FAM114A1: variants seen among roughly 807,000 people sequenced by gnomAD.
The protein encoded by FAM114A1 is protein NOXP20.
FAM114A1 carries 62 observed loss-of-function variants against 64.3 expected under a neutral mutation model. The observed-to-expected ratio is 0.96, with a 90% confidence interval of 0.79 to 1.19. The LOEUF is 1.19. FAM114A1 is among the 50% of genes most tolerant of loss of function. The pLI is 0.00. For missense variants in FAM114A1, 645 were observed against 676.3 expected (o/e 0.95, Z 0.51); for synonymous variants, 254 against 251.1 (o/e 1.01, Z -0.11).
At chr4:38,918,349 T>C (rs933759055) in intron 8 of FAM114A1, among the ~76,000 whole-genome samples, 1 of 152,210 alleles carries the variant, frequency 6.6e-6, no homozygotes. Flanking sequence ...TTCCTGCATT[T>C]AGGGCTTCAG....
chr4:38,924,675 G>A (rs148976029), intron 9 of FAM114A1, among the ~76,000 whole-genome samples: 2 of 152,302 alleles, frequency 1.3e-5, no homozygotes, highest in East Asian at 3.9e-4. Flanking sequence ...ATGTTTTTGA[G>A]CATTAGTATG....
rs1346610559 is a variant in FAM114A1 at position 38,943,759 on chromosome 4, A to G, written c.*202A>G. The G allele has an allele frequency of 6.9e-6, 3 of 431,918 alleles. No individual in the cohort carries two copies. The highest frequency in any genetic ancestry group is 4.4e-5 in the South Asian group (1 of 22,544). 26.8% of individuals were successfully genotyped at this position (431,918 alleles called of 1,614,324 possible). On this transcript the variant is annotated 3_prime_UTR_variant, in exon 15 of 15. Coordinates refer to ENST00000358869, the MANE Select transcript of FAM114A1 (RefSeq NM_138389.4). ...ATGTGTATAATTGTTTTTACAAACA[A>G]TTGTGTTTTCTTTATGTTAATTTAA...
chr4:38,917,135 C>T (rs1056954961), intron 8 of FAM114A1, among the ~76,000 whole-genome samples: 1 of 130,116 alleles, frequency 7.7e-6, no homozygotes, highest in Admixed American at 7.8e-5. Context: ...GAAGCCCCAT[C>T]TCTACTAAAA....
chr4:38,922,647 A>C (rs975211393), intron 8 of FAM114A1, 123 bp from the exon 9 acceptor site: 15 of 1,281,456 alleles, frequency 1.2e-5, no homozygotes, highest in Non-Finnish European at 1.6e-5. Flanking sequence ...GCCAACATTC[A>C]ACCCAGCGAT....
Position 38,926,457 on chromosome 4 carries a change from CT to C in FAM114A1, c.1070-2771del, listed in dbSNP as rs1376542912. On this transcript the variant is annotated intron_variant, in intron 9 of 14. Coordinates refer to ENST00000358869, the MANE Select transcript of FAM114A1 (RefSeq NM_138389.4). ...CTAGCTCTGTCTCTCTCTCTCTCCC[CT>C]TTTTTTTTTTTTTCCAGATAGAGTC... 6.8e-3 allele frequency among the ~76,000 whole-genome samples: 979 copies of C among 144,930 alleles called. 5 individuals carry two copies. Among genetic ancestry groups the C allele is most frequent in the African/African-American group, 0.018 (723 of 39,842 alleles).
chr4:38,918,816 C>T (rs111271193), intron 8 of FAM114A1, among the ~76,000 whole-genome samples: 119 of 152,016 alleles, frequency 7.8e-4, no homozygotes, highest in African/African-American at 2.7e-3. Context: ...AAAATTAGAG[C>T]CAGGCATGGT....
At chr4:38,921,154 A>G (rs1325177317) in intron 8 of FAM114A1, among the ~76,000 whole-genome samples, 3 of 152,236 alleles carry the variant, frequency 2.0e-5, no homozygotes, top group Admixed American at 6.5e-5. Context: ...GAATGAAAAA[A>G]TAAAACTTTA....
intron 2 of FAM114A1, among the ~76,000 whole-genome samples, chr4:38,870,160 A>G (rs1210427096): frequency 2.6e-5 from 4 of 152,052 alleles, no homozygotes; most frequent in African/African-American, 9.7e-5. Context: ...TCAGAATACC[A>G]TCGCTCCCAC....
intron 2 of FAM114A1, among the ~76,000 whole-genome samples, chr4:38,871,086 C>CTTT (rs9306968): frequency 6.8e-4 from 64 of 93,932 alleles, no homozygotes; most frequent in Admixed American, 1.3e-3. Context: ...TTTTTTCTTT[C>CTTT]TTTTTTTTTT....
At position 38,905,603 on chromosome 4, in the gene FAM114A1, C is replaced by T. The variant is rs1717919456; in HGVS notation, c.518C>T (p.Ala173Val). ...HGVNSGSSEG[A>V]QPNTENGVPE... ...GTAAATTCTGGATCTTCTGAAGGAG[C>T]CCAACCAAATACTGAAAACGGAGTC... The change falls in exon 5 of 15, where the codon GCC becomes GTC. Residue 173 changes from alanine (A) to valine (V), a missense_variant. By Grantham distance (64) the Ala-to-Val change is moderately conservative (BLOSUM62 0). Transcript: ENST00000358869. The T allele has an allele frequency of 6.2e-7, 1 of 1,614,114 alleles. No individual in the cohort carries two copies.
chr4:38,932,408 C>A (rs1365595467), intron 12 of FAM114A1, 34 bp downstream of exon 12: 10 of 1,562,234 alleles, frequency 6.4e-6, no homozygotes, highest in East Asian at 2.3e-5. Flanking sequence ...CTTATTTTCC[C>A]AGTTTTATAT....
At chr4:38,923,597 C>A (rs1181497554) in intron 9 of FAM114A1, among the ~76,000 whole-genome samples, 1 of 152,068 alleles carries the variant, frequency 6.6e-6, no homozygotes, top group Non-Finnish European at 1.5e-5. Context: ...GCAAATCTTT[C>A]CCTGAATTTT....
chr4:38,922,438 T>C (rs1463208227), intron 8 of FAM114A1, among the ~76,000 whole-genome samples: 1 of 152,250 alleles, frequency 6.6e-6, no homozygotes, highest in Non-Finnish European at 1.5e-5. Context: ...GCAGGGTTGA[T>C]GTCAAACTGC....
chr4:38,909,924 T>C (rs545204930), intron 7 of FAM114A1, among the ~76,000 whole-genome samples: 1 of 152,262 alleles, frequency 6.6e-6, no homozygotes, highest in East Asian at 1.9e-4. Flanking sequence ...ACCATCACCC[T>C]GCTGCTCCTT....
chr4:38,922,945 G>A (rs778437495), intron 9 of FAM114A1, 52 bp downstream of exon 9: 43 of 1,555,794 alleles, frequency 2.8e-5, no homozygotes, highest in Middle Eastern at 2.2e-4. Flanking sequence ...TAATCCTTAC[G>A]AAACTGCTGT....
intron 9 of FAM114A1, chr4:38,929,010 C>G: frequency 2.0e-6 from 1 of 498,092 alleles, no homozygotes; most frequent in South Asian, 2.0e-5. Context: ...GGGGGTGTCC[C>G]TGCTGGAGCT....
intron 4 of FAM114A1, among the ~76,000 whole-genome samples, chr4:38,895,259 G>A (rs896566363): frequency 6.6e-6 from 1 of 152,208 alleles, no homozygotes; most frequent in African/African-American, 2.4e-5. Context: ...TGAAGTTGTA[G>A]GACTGAGGTC....
At chr4:38,906,876 C>T (rs977517760) in intron 6 of FAM114A1, among the ~76,000 whole-genome samples, 5 of 152,148 alleles carry the variant, frequency 3.3e-5, no homozygotes, top group African/African-American at 9.7e-5. Flanking sequence ...GCTCGTGTCT[C>T]ATTTAGTCAT....
intron 9 of FAM114A1, among the ~76,000 whole-genome samples, chr4:38,927,601 C>T (rs1720241609): frequency 6.6e-6 from 1 of 152,214 alleles, no homozygotes; most frequent in Non-Finnish European, 1.5e-5. Flanking sequence ...GTTTAAAACT[C>T]CTAAACCCCA....
Sources: allele counts gnomAD v4.1 joint callset (sites outside exome capture counted in the v4.1 genomes callset), GRCh38; gene constraint gnomAD v4.1.1; transcripts MANE v1.5; gene names NCBI Gene and HGNC (gene_info 2026-07-23, HGNC 2026-07-21).